XYLT1: variants seen among roughly 807,000 people sequenced by gnomAD.
XYLT1 encodes beta-D-xylosyltransferase 1.
Under a neutral mutation model 91.3 loss-of-function variants are expected in XYLT1, and 36 were observed. The ratio of observed to expected loss-of-function variants is 0.39; its 90% CI spans 0.30 to 0.52. The LOEUF is 0.52. XYLT1 is among the 20% of genes least tolerant of loss of function. XYLT1 has a pLI of 0.68. For synonymous variants in XYLT1, 588 were observed against 532.0 expected (o/e 1.11, Z -1.45); for missense variants, 1,242 against 1,284.5 (o/e 0.97, Z 0.51).
rs1056210597 is a variant in XYLT1 at position 17,409,515 on chromosome 16, T to C, written c.364-51465A>G. On this transcript the variant is annotated intron_variant, in intron 1 of 11. Coordinates refer to ENST00000261381, the MANE Select transcript of XYLT1 (RefSeq NM_022166.4). ...ATTTGAGAAAGAAAGTCCATTAACA[T>C]TACCCAAGTTGGTTTTGAAGTATTG... Among the ~76,000 whole-genome samples, 3 of 151,908 alleles carry C rather than the reference T, an allele frequency of 2.0e-5. 1 individual carries two copies. Among genetic ancestry groups the C allele is most frequent in the Non-Finnish European group, 4.4e-5 (3 of 68,002 alleles).
chr16:17,438,313 A>G (rs190118023), intron 1 of XYLT1, among the ~76,000 whole-genome samples: 4 of 152,298 alleles, frequency 2.6e-5, no homozygotes, highest in Non-Finnish European at 1.5e-5. Context: ...CCATTATTTC[A>G]TTCAATATGG....
chr16:17,397,106 TG>T (rs140496170), intron 1 of XYLT1, among the ~76,000 whole-genome samples: 2,413 of 152,288 alleles, frequency 0.016, 75 homozygotes, highest in African/African-American at 0.055. Context: ...AAGAAAAGGC[TG>T]GCCAACCTCT....
intron 5 of XYLT1, among the ~76,000 whole-genome samples, chr16:17,184,069 C>A (rs973990762): frequency 1.3e-5 from 2 of 152,066 alleles, no homozygotes; most frequent in South Asian, 2.1e-4. Context: ...TAAAGACCAC[C>A]CACATTGTAG....
rs1334182510 is a variant in XYLT1 at position 17,117,851 on chromosome 16, C to A, written c.2352G>T (p.Trp784Cys). ...CTGCGATGACATTGACGGGATCCAC[C>A]CAAATGACGGTCACGGTCACATTAG... is the stretch of plus-strand genomic sequence containing the variant. ...KGPNVTVTVI[W>C]VDPVNVIAAT... The change falls in exon 11 of 12, where the codon TGG becomes TGT. Residue 784 changes from tryptophan to cysteine, a missense_variant. Physicochemically the swap from Trp to Cys is radical, Grantham distance 215 (BLOSUM62 -2). Transcript: ENST00000261381. 1 of 1,614,062 alleles carries A rather than the reference C, an allele frequency of 6.2e-7. No individual in the cohort carries two copies. The highest frequency in any genetic ancestry group is 8.5e-7 in the Non-Finnish European group (1 of 1,180,010).
In XYLT1 at chr16:17,117,985, A is replaced by G. The variant is rs771245911; in HGVS notation, c.2224-6T>C. On this transcript the variant is annotated splice_region_variant and splice_polypyrimidine_tract_variant and intron_variant, in intron 10 of 11. Coordinates refer to ENST00000261381, the MANE Select transcript of XYLT1 (RefSeq NM_022166.4). ...GCATCCCAGTCAGTGCCGACCTGAA[A>G]CAGGGGAGTGAATTCTGAAGTCACT... is the stretch of plus-strand genomic sequence containing the variant. 8 of 1,603,472 alleles carry G rather than the reference A, an allele frequency of 5.0e-6. No individual in the cohort carries two copies. In the South Asian group the frequency reaches 5.5e-5, roughly 11 times the overall value.
intron 1 of XYLT1, among the ~76,000 whole-genome samples, chr16:17,382,586 G>C (rs993604090): frequency 6.6e-6 from 1 of 151,904 alleles, no homozygotes; most frequent in African/African-American, 2.4e-5. Context: ...AGGACTCGGG[G>C]CAGGCCAGCC....
intron 2 of XYLT1, among the ~76,000 whole-genome samples, chr16:17,300,384 G>A (rs935296634): frequency 6.6e-6 from 1 of 150,524 alleles, no homozygotes; most frequent in African/African-American, 2.4e-5. Context: ...GTTGTGGTAT[G>A]GTTAAATAAA....
In XYLT1 at chr16:17,198,379, G is replaced by C; in HGVS notation, c.1122C>G (p.Val374=). Residue 374 remains valine, a synonymous_variant, in exon 5 of 12, where the codon GTC becomes GTG. Coordinates refer to ENST00000261381, the MANE Select transcript of XYLT1 (RefSeq NM_022166.4). ...CGCGGACATTGCTGTACTGCCTGGA[G>C]ACCTGGAGCACTTGCCGATGCAGGT... ...SNYLHRQVLQ[V]SRQYSNVRVT... 6.2e-7 allele frequency: 1 copy of C among 1,614,184 alleles called. No individual in the cohort carries two copies. Among genetic ancestry groups the C allele is most frequent in the Non-Finnish European group, 8.5e-7 (1 of 1,180,020 alleles).
intron 1 of XYLT1, among the ~76,000 whole-genome samples, chr16:17,433,770 G>C (rs1263497794): frequency 1.3e-5 from 2 of 152,318 alleles, no homozygotes; most frequent in Non-Finnish European, 2.9e-5. Context: ...TTTGAATCAG[G>C]AACACTAGCT....
At chr16:17,330,946 A>T (rs2034888520) in intron 2 of XYLT1, among the ~76,000 whole-genome samples, 1 of 152,180 alleles carries the variant, frequency 6.6e-6, no homozygotes, top group Non-Finnish European at 1.5e-5. Flanking sequence ...ATGAGGTTCT[A>T]CCTTTGAACA....
chr16:17,278,419 G>A (rs1193812946), intron 2 of XYLT1, among the ~76,000 whole-genome samples: 1 of 152,150 alleles, frequency 6.6e-6, no homozygotes, highest in Non-Finnish European at 1.5e-5. Flanking sequence ...TGCCGCAGGT[G>A]GGTGGGTCAC....
intron 1 of XYLT1, among the ~76,000 whole-genome samples, chr16:17,421,881 A>G (rs1313063633): frequency 6.6e-6 from 1 of 152,198 alleles, no homozygotes; most frequent in Non-Finnish European, 1.5e-5. Flanking sequence ...TCAATCACCC[A>G]GGCCAGAATG....
At chr16:17,250,478 A>C (rs137997358) in intron 3 of XYLT1, 1 of 152,360 alleles carries the variant, frequency 6.6e-6, no homozygotes, top group African/African-American at 2.4e-5. Flanking sequence ...CTACAATGGT[A>C]AAGTTGAATA....
chr16:17,136,908 C>T (rs77376776), intron 8 of XYLT1, among the ~76,000 whole-genome samples: 3,297 of 152,116 alleles, frequency 0.022, 57 homozygotes, highest in Middle Eastern at 0.078. Context: ...GGAATCAGCA[C>T]GTGGAGGTTT....
chr16:17,351,195 G>C (rs999951465), intron 2 of XYLT1, among the ~76,000 whole-genome samples: 2 of 152,142 alleles, frequency 1.3e-5, no homozygotes, highest in Non-Finnish European at 2.9e-5. Context: ...AGTCAGTCAT[G>C]TCAATGCAGG....
intron 2 of XYLT1, among the ~76,000 whole-genome samples, chr16:17,264,377 A>G (rs1459511958): frequency 6.6e-6 from 1 of 152,212 alleles, no homozygotes; most frequent in Non-Finnish European, 1.5e-5. Context: ...ATGTCCTCAG[A>G]GTTCATCCAT....
chr16:17,192,544 C>T (rs2032337425), intron 5 of XYLT1, among the ~76,000 whole-genome samples: 2 of 152,178 alleles, frequency 1.3e-5, no homozygotes, highest in Non-Finnish European at 2.9e-5. Context: ...TCATACCTTT[C>T]GAGGATTCAA....
In XYLT1 at chr16:17,181,574, G is replaced by C. The variant is rs1046878966; in HGVS notation, c.1289+16638C>G. Among the ~76,000 whole-genome samples the C allele has an allele frequency of 3.3e-5, 5 of 152,012 alleles. No individual in the cohort carries two copies. In the East Asian group the frequency reaches 9.7e-4, roughly 29 times the overall value. Reference sequence around the variant, plus strand: ...ACAATCCTATGAGGAAAGTACCCTGGGGAGGGCACTCTAGCCTGCTGCCCA... The same window carrying C: ...ACAATCCTATGAGGAAAGTACCCTGCGGAGGGCACTCTAGCCTGCTGCCCA... On this transcript the variant is annotated intron_variant, in intron 5 of 11. Coordinates refer to ENST00000261381, the MANE Select transcript of XYLT1 (RefSeq NM_022166.4).
Position 17,274,061 on chromosome 16 carries a change from G to A in XYLT1, c.403-14563C>T, listed in dbSNP as rs181880864. On this transcript the variant is annotated intron_variant, in intron 2 of 11. Transcript: ENST00000261381. Reference sequence around the variant, plus strand: ...CAAGTAGCTGGAATTACAGGTGCACGTCACCATGCCTGGCTAATTTTTGTA... The same window carrying A: ...CAAGTAGCTGGAATTACAGGTGCACATCACCATGCCTGGCTAATTTTTGTA... Among the ~76,000 whole-genome samples the A allele has an allele frequency of 2.7e-3, 408 of 151,560 alleles. 1 individual carries two copies. Among genetic ancestry groups the A allele is most frequent in the African/African-American group, 9.0e-3 (371 of 41,396 alleles).
Sources: gnomAD v4.1 joint callset for allele counts (sites outside exome capture counted in the v4.1 genomes callset) on GRCh38, gnomAD v4.1.1 for gene constraint, MANE v1.5 for transcripts, NCBI Gene and HGNC (gene_info 2026-07-23, HGNC 2026-07-21) for gene names.